Variants in ADH1C observed in about 807,000 individuals in gnomAD.
The protein encoded by ADH1C is alcohol dehydrogenase 1C (class I), gamma polypeptide, also known as alcohol dehydrogenase 1C.
A neutral mutation model predicts 35.0 loss-of-function variants in ADH1C; 26 were observed. That is an observed-to-expected ratio of 0.74 (90% CI 0.54 to 1.03). The LOEUF (loss-of-function observed/expected upper bound fraction) is 1.03. Among genes scored for constraint, ADH1C ranks in the 50% least tolerant of loss-of-function variants. The pLI, the probability that ADH1C is intolerant of heterozygous loss-of-function variation, is 0.00. For missense variants in ADH1C, 413 were observed against 465.4 expected (o/e 0.89, Z 1.04); for synonymous variants, 170 against 169.3 (o/e 1.00, Z -0.03).
rs77199410 is a variant in ADH1C at position 99,342,970 on chromosome 4, G to A, written c.653C>T (p.Ala218Val). 1.2e-6 allele frequency: 2 copies of A among 1,614,120 alleles called. No homozygotes were observed. The highest frequency in any genetic ancestry group is 1.7e-6 in the Non-Finnish European group (2 of 1,180,018). ...GTTGATGTCCACAGCAATGATTCTG[G>A]CTGCTCCAGCTGCTTTACAGCCCAT... ...VVMGCKAAGAARIIAVDINKD... is the reference protein window; with the variant it reads ...VVMGCKAAGAVRIIAVDINKD... Residue 218 changes from alanine to valine, a missense_variant, in exon 6 of 9, where the codon GCC becomes GTC. By Grantham distance (64) the Ala-to-Val change is moderately conservative. Transcript: ENST00000515683.
intron 1 of ADH1C, among the ~76,000 whole-genome samples, chr4:99,351,709 A>G (rs1244966576): frequency 6.6e-6 from 1 of 152,206 alleles, no homozygotes; most frequent in Non-Finnish European, 1.5e-5. Flanking sequence ...CACAGCATAA[A>G]GGTAAGCCTC....
intron 1 of ADH1C, among the ~76,000 whole-genome samples, chr4:99,352,095 T>C (rs1298889423): frequency 1.3e-5 from 2 of 152,242 alleles, no homozygotes; most frequent in Non-Finnish European, 2.9e-5. Flanking sequence ...GATGTCTTGC[T>C]TAACCTTGAT....
intron 6 of ADH1C, 40 bp downstream of exon 6, chr4:99,342,755 T>A (rs1057027823): frequency 1.2e-6 from 2 of 1,613,090 alleles, no homozygotes; most frequent in Admixed American, 1.7e-5. Context: ...ATCCTCCAGG[T>A]TGCAGAGGCA....
At position 99,336,747 on chromosome 4, in the gene ADH1C, T is replaced by C. The variant is rs77988166; in HGVS notation, c.*5A>G. ...ACTGCTACAAGGGAAGGCATCTGTATTGTTTCAAAACGTCAGGACGGTACG... is the reference window on the plus strand; with the variant it reads ...ACTGCTACAAGGGAAGGCATCTGTACTGTTTCAAAACGTCAGGACGGTACG... On this transcript the variant is annotated 3_prime_UTR_variant, in exon 9 of 9. Coordinates refer to ENST00000515683, the MANE Select transcript of ADH1C (RefSeq NM_000669.5). The C allele has an allele frequency of 1.2e-6, 2 of 1,613,734 alleles. No individual in the cohort carries two copies. Among genetic ancestry groups the C allele is most frequent in the East Asian group, 4.5e-5 (2 of 44,864 alleles).
rs752507314 is a variant in ADH1C at position 99,345,045 on chromosome 4, G to T, written c.384C>A (p.Thr128=). 4 of 1,614,044 alleles carry T rather than the reference G, an allele frequency of 2.5e-6. No individual in the cohort carries two copies. In the Admixed American group the frequency reaches 6.7e-5, roughly 27 times the overall value. The change falls in exon 5 of 9, where the codon ACC becomes ACA. Residue 128 remains threonine (T), a synonymous_variant. Transcript: ENST00000515683. ...GCTTCCCGCTGCAGGTGAACCTCCT[G>T]GTGCCATCCTGCAGGGTCCCCCGAG... The part of the protein sequence containing the change: ...GNPRGTLQDG[T]RRFTCSGKPI...
At chr4:99,347,678 T>C in intron 2 of ADH1C, 67 bp downstream of exon 2, 1 of 1,437,182 alleles carries the variant, frequency 7.0e-7, no homozygotes, top group East Asian at 2.5e-5. Flanking sequence ...TTTTGGATGT[T>C]TCTATTTTTA....
intron 8 of ADH1C, among the ~76,000 whole-genome samples, chr4:99,338,446 C>CATATAT (rs1480029511): frequency 2.5e-5 from 1 of 39,568 alleles, no homozygotes. Context: ...TATATATATA[C>CATATAT]ACACTCTTGA....
intron 3 of ADH1C, among the ~76,000 whole-genome samples, chr4:99,346,279 CTTAA>C (rs1229794634): frequency 2.6e-5 from 4 of 152,000 alleles, no homozygotes; most frequent in Non-Finnish European, 5.9e-5. Flanking sequence ...GTTATTCATC[CTTAA>C]TTAATATAGT....
chr4:99,352,547 C>G (rs1734701477), intron 1 of ADH1C, 111 bp downstream of exon 1: 1 of 802,416 alleles, frequency 1.2e-6, no homozygotes, highest in East Asian at 2.9e-5. Flanking sequence ...TATTCATCAT[C>G]TAATTTAGAT....
chr4:99,336,714 G>A lies in ADH1C; in HGVS notation c.*38C>T, dbSNP rs1279167224. ...GCTCCAGATCATGTAGGGTAGAGGAGGCTGAAAACTGCTACAAGGGAAGGC... is the reference window on the plus strand; with the variant it reads ...GCTCCAGATCATGTAGGGTAGAGGAAGCTGAAAACTGCTACAAGGGAAGGC... On this transcript the variant is annotated 3_prime_UTR_variant, in exon 9 of 9. Transcript: ENST00000515683. 2.5e-5 allele frequency: 40 copies of A among 1,610,020 alleles called. No homozygotes were observed. Among genetic ancestry groups the A allele is most frequent in the East Asian group, 4.5e-5 (2 of 44,850 alleles).
Position 99,346,998 on chromosome 4 carries a change from T to C in ADH1C, c.259+8A>G, listed in dbSNP as rs774073201. On this transcript the variant is annotated splice_region_variant and intron_variant, in intron 3 of 8. Transcript: ENST00000515683. Reference sequence around the variant, plus strand: ...CCAAGGCATGTTCCCTGAGTGTGAATCCTGTACCTGGTTTGACTGTAGTCA... The same window carrying C: ...CCAAGGCATGTTCCCTGAGTGTGAACCCTGTACCTGGTTTGACTGTAGTCA... 7.4e-6 allele frequency: 12 copies of C among 1,613,148 alleles called. No homozygotes were observed. In the African/African-American group the frequency reaches 1.5e-4, roughly 20 times the overall value.
chr4:99,352,739 G>T lies in ADH1C; in HGVS notation c.-64C>A. 1.3e-6 allele frequency: 2 copies of T among 1,534,452 alleles called. No individual in the cohort carries two copies. Among genetic ancestry groups the T allele is most frequent in the Non-Finnish European group, 1.8e-6 (2 of 1,108,754 alleles). On this transcript the variant is annotated 5_prime_UTR_variant, in exon 1 of 9. It introduces an in-frame stop codon into an upstream open reading frame of the 5' UTR. Transcript: ENST00000515683. ...GTACTTGTGGATTTCTTCTCTGCTT[G>T]AGTGCATAAAGCAGGTATGTTGCAC...
intron 6 of ADH1C, among the ~76,000 whole-genome samples, chr4:99,342,060 G>T (rs1734428688): frequency 6.6e-6 from 1 of 151,800 alleles, no homozygotes; most frequent in Admixed American, 6.6e-5. Flanking sequence ...AAAAAAGGGG[G>T]CTGCTGACAT....
chr4:99,336,830 C>T, intron 8 of ADH1C, 54 bp from the exon 9 acceptor site: 4 of 1,607,080 alleles, frequency 2.5e-6, no homozygotes, highest in Admixed American at 1.7e-5. Flanking sequence ...CCACATGCTT[C>T]CATGTGATAG....
At chr4:99,347,943 T>C (rs1050357394) in intron 1 of ADH1C, 97 bp from the exon 2 acceptor site, 25 of 1,363,406 alleles carry the variant, frequency 1.8e-5, no homozygotes, top group Non-Finnish European at 2.5e-5. Context: ...TTGAGTCCCA[T>C]GTCTGGCACC....
At chr4:99,338,649 C>T (rs1734342597) in intron 8 of ADH1C, among the ~76,000 whole-genome samples, 1 of 148,768 alleles carries the variant, frequency 6.7e-6, no homozygotes, top group Non-Finnish European at 1.5e-5. Context: ...TGAGAAAATG[C>T]ATGTAAGACA....
chr4:99,344,514 C>T (rs563834334), intron 5 of ADH1C, among the ~76,000 whole-genome samples: 26 of 152,240 alleles, frequency 1.7e-4, no homozygotes, highest in Non-Finnish European at 1.0e-4. Flanking sequence ...GCTGTCAGAG[C>T]CTAGCAGAAC....
At position 99,340,019 on chromosome 4, in the gene ADH1C, T is replaced by G. The variant is rs1403964575; in HGVS notation, c.965-304A>C. 3.3e-5 allele frequency among the ~76,000 whole-genome samples: 5 copies of G among 152,178 alleles called. No homozygotes were observed. In the South Asian group the frequency reaches 6.2e-4, roughly 19 times the overall value. ...TTTTTGTGTAGATATGATTTATTGTTATATATTTCCATGGCCTACTAGAAA... is the reference window on the plus strand; with the variant it reads ...TTTTTGTGTAGATATGATTTATTGTGATATATTTCCATGGCCTACTAGAAA... On this transcript the variant is annotated intron_variant, in intron 7 of 8. Transcript: ENST00000515683.
In ADH1C at chr4:99,344,850, T is replaced by G; in HGVS notation, c.567+12A>C. Reference sequence around the variant, plus strand: ...GCGTGTAACCGGTTTTATCATCCATTGTCATTTCTACCTTGGCAACTTTGA... The same window carrying G: ...GCGTGTAACCGGTTTTATCATCCATGGTCATTTCTACCTTGGCAACTTTGA... On this transcript the variant is annotated intron_variant, in intron 5 of 8. Transcript: ENST00000515683. 2 of 1,614,148 alleles carry G rather than the reference T, an allele frequency of 1.2e-6. No individual in the cohort carries two copies. The highest frequency in any genetic ancestry group is 1.7e-6 in the Non-Finnish European group (2 of 1,180,028).
Sources: gnomAD v4.1 joint callset for allele counts (sites outside exome capture counted in the v4.1 genomes callset) on GRCh38, gnomAD v4.1.1 for gene constraint, MANE v1.5 for transcripts, NCBI Gene and HGNC (gene_info 2026-07-23, HGNC 2026-07-21) for gene names.